Variants in RUNX1 observed in about 807,000 individuals in gnomAD.
RUNX1 encodes RUNX family transcription factor 1.
In RUNX1, 19 loss-of-function variants were observed where a neutral mutation model predicts 42.8. The ratio of observed to expected loss-of-function variants is 0.44; its 90% CI spans 0.31 to 0.65. The LOEUF (loss-of-function observed/expected upper bound fraction) is 0.65, where lower values mean the gene tolerates loss of function less well. Among genes scored for constraint, RUNX1 ranks in the 30% least tolerant of loss-of-function variants. RUNX1 has a pLI of 0.07. For missense variants in RUNX1, 528 were observed against 672.0 expected (o/e 0.79, Z 2.37); for synonymous variants, 271 against 289.4 (o/e 0.94, Z 0.64).
chr21:34,830,736 C>T (rs892222133), intron 7 of RUNX1, among the ~76,000 whole-genome samples: 2 of 152,170 alleles, frequency 1.3e-5, no homozygotes, highest in Non-Finnish European at 2.9e-5. Flanking sequence ...ATAAATGATA[C>T]CACAGGATTG....
intron 7 of RUNX1, among the ~76,000 whole-genome samples, chr21:34,815,351 C>T (rs1454925630): frequency 6.6e-6 from 1 of 152,028 alleles, no homozygotes; most frequent in Non-Finnish European, 1.5e-5. Flanking sequence ...TAGGAGAATG[C>T]TGGGGAGGGG....
chr21:35,001,658 A>G (rs1026483201), intron 2 of RUNX1, among the ~76,000 whole-genome samples: 1 of 152,180 alleles, frequency 6.6e-6, no homozygotes, highest in Non-Finnish European at 1.5e-5. Context: ...AGCAATTAAG[A>G]AAACAACATA....
intron 2 of RUNX1, among the ~76,000 whole-genome samples, chr21:34,940,380 T>A (rs2058517948): frequency 6.6e-6 from 1 of 152,174 alleles, no homozygotes; most frequent in African/African-American, 2.4e-5. Flanking sequence ...ATGTTAATCA[T>A]CAAAATCTAG....
At chr21:34,807,455 A>C (rs2056695352) in intron 7 of RUNX1, among the ~76,000 whole-genome samples, 1 of 152,206 alleles carries the variant, frequency 6.6e-6, no homozygotes, top group African/African-American at 2.4e-5. Flanking sequence ...AGCTATTTAA[A>C]AATAAAAGTC....
At chr21:34,890,334 G>A (rs2058066212) in intron 3 of RUNX1, among the ~76,000 whole-genome samples, 1 of 152,150 alleles carries the variant, frequency 6.6e-6, no homozygotes, top group African/African-American at 2.4e-5. Context: ...ACTAGCGTTC[G>A]AGGATAAAAG....
At chr21:34,908,079 A>G (rs2834670) in intron 2 of RUNX1, among the ~76,000 whole-genome samples, 57,545 of 152,018 alleles carry the variant, frequency 0.38, 16,703 homozygotes, top group African/African-American at 0.82. Context: ...GGGTCTTATG[A>G]AATTGTATTT....
rs1486108707 is a variant in RUNX1, at chr21:34,787,860, T to TTTACA, written c.*4270_*4274dup. 3 of 233,092 alleles carry TTTACA rather than the reference T, an allele frequency of 1.3e-5. No individual in the cohort carries two copies. The highest frequency in any genetic ancestry group is 6.6e-5 in the African/African-American group (3 of 45,324). 14.4% of individuals were successfully genotyped at this position (233,092 alleles called of 1,614,324 possible). On this transcript the variant is annotated 3_prime_UTR_variant, in exon 9 of 9. Transcript: ENST00000675419. ...CATTCACACTGATTGTAACACTGGA[T>TTTACA]TTACAGAAGAAACTGTGGTACAAAG... is the stretch of plus-strand genomic sequence containing the variant.
intron 2 of RUNX1, among the ~76,000 whole-genome samples, chr21:35,006,815 G>A (rs945772626): frequency 6.6e-6 from 1 of 152,186 alleles, no homozygotes; most frequent in Non-Finnish European, 1.5e-5. Context: ...CCTGCCCAGA[G>A]CCTTTCTCTA....
intron 2 of RUNX1, among the ~76,000 whole-genome samples, chr21:34,914,615 A>C (rs2058297634): frequency 6.6e-6 from 1 of 152,110 alleles, no homozygotes; most frequent in Admixed American, 6.5e-5. Flanking sequence ...CAACTCAGGG[A>C]ACTCAGTTCC....
At chr21:34,982,397 GGTGTGTGT>G (rs56091299) in intron 2 of RUNX1, among the ~76,000 whole-genome samples, 2 of 148,218 alleles carry the variant, frequency 1.3e-5, no homozygotes, top group Non-Finnish European at 3.0e-5. Flanking sequence ...AGTCAAAAGG[GGTGTGTGT>G]GTGTGTGTGT....
In RUNX1 at chr21:34,912,261, T is replaced by C. The variant is rs539815642; in HGVS notation, c.59-19298A>G. Among the ~76,000 whole-genome samples the C allele has an allele frequency of 1.2e-4, 18 of 149,280 alleles. No individual in the cohort carries two copies. The East Asian group carries it at 3.6e-3, about 29-fold the overall frequency. On this transcript the variant is annotated intron_variant, in intron 2 of 8. Coordinates refer to ENST00000675419, the MANE Select transcript of RUNX1 (RefSeq NM_001754.5). Reference sequence around the variant, plus strand: ...GCAAGGAGATGATGACTGCCAGGCATTGAGTGGTGAAAAAATATTTTCCTT... The same window carrying C: ...GCAAGGAGATGATGACTGCCAGGCACTGAGTGGTGAAAAAATATTTTCCTT...
chr21:34,857,942 C>G (rs1410036426), intron 6 of RUNX1, among the ~76,000 whole-genome samples: 1 of 152,198 alleles, frequency 6.6e-6, no homozygotes, highest in Non-Finnish European at 1.5e-5. Flanking sequence ...CCCACAGTCT[C>G]CCAAGTCTAG....
chr21:34,886,635 G>A (rs972395047), intron 4 of RUNX1, among the ~76,000 whole-genome samples: 2 of 152,250 alleles, frequency 1.3e-5, no homozygotes, highest in African/African-American at 4.8e-5. Context: ...CCTCCTGGGA[G>A]GCCGCCCCAG....
chr21:34,819,217 G>C (rs1239138402), intron 7 of RUNX1, among the ~76,000 whole-genome samples: 1 of 152,208 alleles, frequency 6.6e-6, no homozygotes, highest in East Asian at 1.9e-4. Flanking sequence ...CCATGTCTTT[G>C]AGCAAGAAAA....
chr21:34,804,244 G>A (rs894956930), intron 7 of RUNX1, among the ~76,000 whole-genome samples: 5 of 152,174 alleles, frequency 3.3e-5, no homozygotes, highest in Non-Finnish European at 1.5e-5. Flanking sequence ...ACAGTTTCAG[G>A]AGGAAGTGCA....
At chr21:34,992,495 A>G (rs1395265391) in intron 2 of RUNX1, among the ~76,000 whole-genome samples, 1 of 152,102 alleles carries the variant, frequency 6.6e-6, no homozygotes, top group Non-Finnish European at 1.5e-5. Flanking sequence ...AGGATGGATT[A>G]GGCAGTGAGA....
In RUNX1 at chr21:34,793,666, C is replaced by T. The variant is rs557809845; in HGVS notation, c.968-1056G>A. ...AGCCACTACTGTAAAGTCAGGTGGT[C>T]AGTATAGGGACTGCAGGAGCCACAG... On this transcript the variant is annotated intron_variant, in intron 8 of 8. Coordinates refer to ENST00000675419, the MANE Select transcript of RUNX1 (RefSeq NM_001754.5). Among the ~76,000 whole-genome samples the T allele has an allele frequency of 5.3e-5, 8 of 151,944 alleles. No individual in the cohort carries two copies. In the South Asian group the frequency reaches 1.5e-3, roughly 28 times the overall value.
intron 5 of RUNX1, among the ~76,000 whole-genome samples, chr21:34,862,327 G>A (rs2057588800): frequency 6.6e-6 from 1 of 152,196 alleles, no homozygotes; most frequent in Non-Finnish European, 1.5e-5. Flanking sequence ...CCATGTGCAG[G>A]CGGGCAGGTC....
At chr21:34,798,894 T>G (rs1388735355) in intron 8 of RUNX1, among the ~76,000 whole-genome samples, 2 of 152,250 alleles carry the variant, frequency 1.3e-5, no homozygotes, top group Admixed American at 6.5e-5. Context: ...CCATTCCACA[T>G]GTACTCCCGT....
Sources: allele counts gnomAD v4.1 joint callset (sites outside exome capture counted in the v4.1 genomes callset), GRCh38; gene constraint gnomAD v4.1.1; transcripts MANE v1.5; gene names NCBI Gene and HGNC (gene_info 2026-07-23, HGNC 2026-07-21).